Variants in ATP6V1B2 observed in about 807,000 individuals in gnomAD.
ATP6V1B2 encodes the protein V-type proton ATPase subunit B, brain isoform.
ATP6V1B2 carries 23 observed loss-of-function variants against 66.7 expected under a neutral mutation model. The ratio of observed to expected loss-of-function variants is 0.34; its 90% CI spans 0.25 to 0.49. ATP6V1B2 has a LOEUF of 0.49. Among genes scored for constraint, ATP6V1B2 ranks in the 20% least tolerant of loss-of-function variants. The pLI, the probability that ATP6V1B2 is intolerant of heterozygous loss-of-function variation, is 0.99. For missense variants in ATP6V1B2, 478 were observed against 650.8 expected, an observed-to-expected ratio of 0.73 and a Z score of 2.89; for synonymous variants, 278 against 236.7, an observed-to-expected ratio of 1.17 and a Z score of -1.60.
At chr8:20,204,952 T>C (rs1196828960) in intron 2 of ATP6V1B2, among the ~76,000 whole-genome samples, 1 of 152,164 alleles carries the variant, frequency 6.6e-6, no homozygotes, top group Admixed American at 6.6e-5. Context: ...CCTCTTCTGC[T>C]TTATCACTAA....
chr8:20,208,555 A>G (rs2072760999), intron 2 of ATP6V1B2, among the ~76,000 whole-genome samples: 1 of 152,174 alleles, frequency 6.6e-6, no homozygotes, highest in East Asian at 1.9e-4. Context: ...GTACGTTGCC[A>G]TTTATGTAAA....
chr8:20,208,388 G>A (rs2072758929), intron 2 of ATP6V1B2, among the ~76,000 whole-genome samples: 1 of 152,198 alleles, frequency 6.6e-6, no homozygotes, highest in African/African-American at 2.4e-5. Flanking sequence ...GGGTCTTAAA[G>A]CAATGGCACA....
intron 11 of ATP6V1B2, 149 bp from the exon 12 acceptor site, chr8:20,217,071 G>A (rs928961650): frequency 1.5e-6 from 1 of 645,906 alleles, no homozygotes; most frequent in Non-Finnish European, 2.7e-6. Flanking sequence ...TTCTTGCCAG[G>A]AAGAGACAGT....
intron 3 of ATP6V1B2, 108 bp from the exon 4 acceptor site, chr8:20,210,238 T>C: frequency 1.2e-6 from 1 of 814,796 alleles, no homozygotes; most frequent in Non-Finnish European, 1.9e-6. Flanking sequence ...AAAAGTAGTA[T>C]ACATTCATGG....
intron 13 of ATP6V1B2, among the ~76,000 whole-genome samples, chr8:20,218,979 G>GT (rs141916591): frequency 0.045 from 6,845 of 152,208 alleles, 189 homozygotes; most frequent in East Asian, 0.071. Flanking sequence ...CTCAAGCTCA[G>GT]TAACTGGGCA....
chr8:20,199,324 A>T (rs193243221), intron 1 of ATP6V1B2, among the ~76,000 whole-genome samples: 3 of 152,294 alleles, frequency 2.0e-5, no homozygotes, highest in Non-Finnish European at 4.4e-5. Context: ...GACACATAGA[A>T]TGTGTCTTGT....
In ATP6V1B2 at chr8:20,200,629, T is replaced by G. The variant is rs951137874; in HGVS notation, c.136+3087T>G. Among the ~76,000 whole-genome samples, 5 of 152,344 alleles carry G rather than the reference T, an allele frequency of 3.3e-5. No individual in the cohort carries two copies. In the East Asian group the frequency reaches 7.7e-4, roughly 24 times the overall value. On this transcript the variant is annotated intron_variant, in intron 1 of 13. Coordinates refer to ENST00000276390, the MANE Select transcript of ATP6V1B2 (RefSeq NM_001693.4). Reference sequence around the variant, plus strand: ...AGTCACAAGGAATGAAAACTTGATTTTCTCTTAAAAGAAAAGATTCAACAA... The same window carrying G: ...AGTCACAAGGAATGAAAACTTGATTGTCTCTTAAAAGAAAAGATTCAACAA...
Position 20,216,393 on chromosome 8 carries a change from C to CA in ATP6V1B2, c.1079-18dup. 6.2e-7 allele frequency: 1 copy of CA among 1,600,010 alleles called. No individual in the cohort carries two copies. The highest frequency in any genetic ancestry group is 1.1e-5 in the South Asian group (1 of 90,678). ...AACCTAAAGATGCCATGCTTAATGC[C>CA]AACTGTCTTCCTCTGGTAGATATCA... On this transcript the variant is annotated intron_variant, in intron 10 of 13. Transcript: ENST00000276390.
At chr8:20,202,630 G>C (rs774517686) in intron 1 of ATP6V1B2, among the ~76,000 whole-genome samples, 2 of 152,044 alleles carry the variant, frequency 1.3e-5, no homozygotes, top group Admixed American at 6.6e-5. Flanking sequence ...ACTTTTGCTC[G>C]TGACTGGCAA....
chr8:20,204,640 CT>C, intron 2 of ATP6V1B2, 101 bp downstream of exon 2: 1 of 978,336 alleles, frequency 1.0e-6, no homozygotes, highest in Non-Finnish European at 1.5e-6. Context: ...TTAAGCCATA[CT>C]TTAGACTGGG....
chr8:20,210,149 A>G (rs1341835769), intron 3 of ATP6V1B2, among the ~76,000 whole-genome samples, 197 bp from the exon 4 acceptor site: 2 of 150,734 alleles, frequency 1.3e-5, no homozygotes, highest in African/African-American at 2.4e-5. Context: ...TTGCTTATCA[A>G]ATTTGGCCTG....
At chr8:20,212,293 T>A (rs1403550184) in intron 8 of ATP6V1B2, 94 bp downstream of exon 8, 2 of 1,177,322 alleles carry the variant, frequency 1.7e-6, no homozygotes, top group Non-Finnish European at 2.5e-6. Context: ...TAACAGCATT[T>A]GGACCTAACA....
rs369527000 is a variant in ATP6V1B2 at position 20,200,072 on chromosome 8, A to G, written c.136+2530A>G. Among the ~76,000 whole-genome samples, 16 of 152,046 alleles carry G rather than the reference A, an allele frequency of 1.1e-4. No individual in the cohort carries two copies. The East Asian group carries it at 1.5e-3, about 15-fold the overall frequency. On this transcript the variant is annotated intron_variant, in intron 1 of 13. Coordinates refer to ENST00000276390, the MANE Select transcript of ATP6V1B2 (RefSeq NM_001693.4). ...GGCTGGAGTGCAGTGGTGTGAGCTCAGGTCACTGCAACCTCCACATCTCAG... is the reference window on the plus strand; with the variant it reads ...GGCTGGAGTGCAGTGGTGTGAGCTCGGGTCACTGCAACCTCCACATCTCAG...
At chr8:20,210,277 A>G (rs561693650) in intron 3 of ATP6V1B2, 69 bp from the exon 4 acceptor site, 393 of 1,336,360 alleles carry the variant, frequency 2.9e-4, no homozygotes, top group Non-Finnish European at 3.9e-4. Flanking sequence ...TGTTTAACAG[A>G]CAAATAAAAT....
At chr8:20,199,428 G>C (rs1011396229) in intron 1 of ATP6V1B2, among the ~76,000 whole-genome samples, 1 of 152,016 alleles carries the variant, frequency 6.6e-6, no homozygotes, top group Non-Finnish European at 1.5e-5. Context: ...TGAAATGCCC[G>C]GTCGAGTTGA....
rs1197855615 is a variant in ATP6V1B2, at chr8:20,211,703, G to T, written c.655G>T (p.Val219Leu). The T allele has an allele frequency of 6.2e-7, 1 of 1,612,832 alleles. No homozygotes were observed. The highest frequency in any genetic ancestry group is 8.5e-7 in the Non-Finnish European group (1 of 1,179,654). Residue 219 changes from valine to leucine, a missense_variant, in exon 7 of 14, where the codon GTA becomes TTA. Around this residue, in one of 2 missense-constraint regions of ATP6V1B2, gnomAD observed 326 missense variants for 545.6 expected, o/e 0.60. Coordinates refer to ENST00000276390, the MANE Select transcript of ATP6V1B2 (RefSeq NM_001693.4). ...TGGTTTGGTAAAGAAATCCAAAGAT[G>T]TAGTAGACTACAGTGAGGAAAATTT... ...QAGLVKKSKD[V>L]VDYSEENFAI...
At chr8:20,216,389 A>T in intron 10 of ATP6V1B2, 24 bp from the exon 11 acceptor site, 3 of 1,595,716 alleles carry the variant, frequency 1.9e-6, no homozygotes, top group Non-Finnish European at 2.6e-6. Context: ...GCCATGCTTA[A>T]TGCCAACTGT....
intron 2 of ATP6V1B2, among the ~76,000 whole-genome samples, chr8:20,209,009 T>TA (rs2072765397): frequency 6.6e-6 from 1 of 152,132 alleles, no homozygotes; most frequent in Admixed American, 6.6e-5. Flanking sequence ...GCGCCTAGCC[T>TA]ATTTAGTAAC....
chr8:20,214,588 C>A lies in ATP6V1B2; in HGVS notation c.928-230C>A, dbSNP rs536692743. The A allele has an allele frequency of 2.5e-5, 9 of 357,608 alleles. No homozygotes were observed. In the Admixed American group the frequency reaches 4.2e-4, roughly 17 times the overall value. 22.2% of individuals were successfully genotyped at this position (357,608 alleles called of 1,614,324 possible). A position where few individuals can be genotyped will look rare whatever the true frequency, so the allele number is the denominator to read the frequency against. On this transcript the variant is annotated intron_variant, in intron 9 of 13. Transcript: ENST00000276390. ...AACTATTTGAAAACTTACATTATGG[C>A]AATACGATTTTAGCAAAAACCTTCT... is the stretch of plus-strand genomic sequence containing the variant.
Sources: allele counts gnomAD v4.1 joint callset (sites outside exome capture counted in the v4.1 genomes callset), GRCh38; gene constraint gnomAD v4.1.1; regional missense constraint gnomAD v4.1.1; transcripts MANE v1.5; gene names NCBI Gene and HGNC (gene_info 2026-07-23, HGNC 2026-07-21).